POLR3E: variants seen among roughly 807,000 people sequenced by gnomAD.
The protein encoded by POLR3E is RNA polymerase III subunit E, also known as DNA-directed RNA polymerase III subunit RPC5.
In POLR3E, 41 loss-of-function variants were observed where a neutral mutation model predicts 96.6. The observed-to-expected ratio is 0.42, with a 90% confidence interval of 0.33 to 0.55. POLR3E has a LOEUF of 0.55. Among genes scored for constraint, POLR3E ranks in the 20% least tolerant of loss-of-function variants. The probability of loss-of-function intolerance (pLI) is 0.06; values close to 1 mark genes in which losing one functional copy is unlikely to be tolerated. For missense variants in POLR3E, 849 were observed against 952.1 expected, an observed-to-expected ratio of 0.89 and a Z score of 1.43; for synonymous variants, 396 against 383.6, an observed-to-expected ratio of 1.03 and a Z score of -0.38.
Position 22,316,642 on chromosome 16 carries a change from C to G in POLR3E, c.684C>G (p.Pro228=), listed in dbSNP as rs570187300. Residue 228 remains proline (P), a synonymous_variant, in exon 10 of 21, where the codon CCC becomes CCG. Transcript: ENST00000299853. The part of the protein sequence containing the change: ...SEHERQYLLC[P]GSSGVENTEL... ...ATGAGCGTCAGTACCTGCTGTGCCC[C>G]GGCTCAAGCGGGGTGGAGAACACGG... is the stretch of plus-strand genomic sequence containing the variant. The G allele has an allele frequency of 6.2e-7, 1 of 1,614,032 alleles. No individual in the cohort carries two copies. Among genetic ancestry groups the G allele is most frequent in the Admixed American group, 1.7e-5 (1 of 60,016 alleles).
At position 22,308,999 on chromosome 16, in the gene POLR3E, C is replaced by G; in HGVS notation, c.240C>G (p.Asn80Lys). The change falls in exon 5 of 21, where the codon AAC (asparagine) becomes AAG (lysine). Residue 80 changes from asparagine to lysine, a missense_variant. Coordinates refer to ENST00000299853, the MANE Select transcript of POLR3E (RefSeq NM_018119.4). Reference protein sequence around the residue: ...CRSKGEQIALNVDGACADETS... With the variant: ...CRSKGEQIALKVDGACADETS... ...GCAAAGGGGAGCAGATTGCGCTGAA[C>G]GTGGACGGGGCCTGCGCCGACGAGA... 1 of 1,613,966 alleles carries G rather than the reference C, an allele frequency of 6.2e-7. No individual in the cohort carries two copies. Among genetic ancestry groups the G allele is most frequent in the South Asian group, 1.1e-5 (1 of 91,080 alleles).
chr16:22,299,873 T>A (rs2047984929), intron 1 of POLR3E, among the ~76,000 whole-genome samples: 1 of 147,810 alleles, frequency 6.8e-6, no homozygotes, highest in Admixed American at 6.6e-5. Flanking sequence ...CAGGCTAAAA[T>A]TTTTTTTTAA....
In POLR3E at chr16:22,308,196, T is replaced by G. The variant is rs2347; in HGVS notation, c.136T>G (p.Ser46Ala). ...GACCTACGATGACATTCCGCACCTC[T>G]CAGCCAAGATCAAGCCCAAGCAGCA... ...SMTYDDIPHL[S>A]AKIKPKQQKV... Residue 46 changes from serine to alanine, a missense_variant, in exon 4 of 21, where the codon TCA becomes GCA. Coordinates refer to ENST00000299853, the MANE Select transcript of POLR3E (RefSeq NM_018119.4). 0.06 allele frequency: 96,720 copies of G among 1,613,322 alleles called. 3,742 individuals carry two copies. The highest frequency in any genetic ancestry group is 0.16 in the South Asian group (14,671 of 91,042).
intron 6 of POLR3E, among the ~76,000 whole-genome samples, chr16:22,310,701 C>T (rs552281641): frequency 7.3e-5 from 11 of 151,390 alleles, no homozygotes; most frequent in Non-Finnish European, 1.5e-4. Flanking sequence ...TTTGGGAGGC[C>T]GAGGCAGGCC....
Position 22,313,625 on chromosome 16 carries a change from C to T in POLR3E, c.370C>T (p.Leu124Phe), listed in dbSNP as rs2048293042. The T allele has an allele frequency of 1.2e-6, 2 of 1,608,568 alleles. No homozygotes were observed. Among genetic ancestry groups the T allele is most frequent in the Non-Finnish European group, 1.7e-6 (2 of 1,174,988 alleles). The change falls in exon 7 of 21, where the codon CTC (leucine) becomes TTC (phenylalanine). Residue 124 changes from leucine to phenylalanine, a missense_variant. Transcript: ENST00000299853. The surrounding 1 kb of genome is among the most constrained non-coding windows in gnomAD (Gnocchi z 4.1). Reference protein sequence around the residue: ...YAAALYRQGELHLTPLHGILQ... With the variant: ...YAAALYRQGEFHLTPLHGILQ... ...AGCCCTTCTTCCTCCGCCAGGTGAG[C>T]TCCACCTGACACCTTTACATGGCAT...
Position 22,332,034 on chromosome 16 carries a change from A to T in POLR3E, c.1945-26A>T, listed in dbSNP as rs753433623. 1.9e-6 allele frequency: 3 copies of T among 1,610,664 alleles called. No homozygotes were observed. The South Asian group carries it at 3.3e-5, about 18-fold the overall frequency. On this transcript the variant is annotated intron_variant, in intron 19 of 20. Transcript: ENST00000299853. ...TTCTCTTTTTAGATCACTGTTTCCC[A>T]TCATAACGTGTTTTTGCTACTAAAG...
chr16:22,326,586 C>G (rs1350868201), intron 18 of POLR3E: 1 of 496,904 alleles, frequency 2.0e-6, no homozygotes, highest in Admixed American at 3.5e-5. Context: ...TGTCCCCCAC[C>G]AAGAACACCT....
rs2048580498 is a variant in POLR3E, at chr16:22,326,014, G to C, written c.1602G>C (p.Leu534=). The change falls in exon 18 of 21, where the codon CTG becomes CTC. Residue 534 remains leucine (L), a synonymous_variant. Transcript: ENST00000299853. ...TCCACAGCAAGCTGGCCAACGGGCT[G>C]CCTCTCGGGCGGGCTGCGGGCACAG... ...SGLHSKLANG[L]PLGRAAGTDS... is the part of the protein sequence containing the mutation. The C allele has an allele frequency of 1.3e-6, 2 of 1,599,216 alleles. No individual in the cohort carries two copies. Among genetic ancestry groups the C allele is most frequent in the Non-Finnish European group, 1.7e-6 (2 of 1,171,622 alleles).
chr16:22,324,230 A>T, intron 14 of POLR3E, 124 bp from the exon 15 acceptor site: 1 of 717,456 alleles, frequency 1.4e-6, no homozygotes, highest in Non-Finnish European at 2.5e-6. Flanking sequence ...TGTTGGGAAG[A>T]ATCAAGGCCA....
chr16:22,313,998 A>G lies in POLR3E; in HGVS notation c.473-81A>G. 5 of 1,272,758 alleles carry G rather than the reference A, an allele frequency of 3.9e-6. No homozygotes were observed. The highest frequency in any genetic ancestry group is 4.6e-6 in the Non-Finnish European group (4 of 870,894). 78.8% of individuals were successfully genotyped at this position (1,272,758 alleles called of 1,614,324 possible). A position where few individuals can be genotyped will look rare whatever the true frequency, so the allele number is the denominator to read the frequency against. On this transcript the variant is annotated intron_variant, in intron 7 of 20. Coordinates refer to ENST00000299853, the MANE Select transcript of POLR3E (RefSeq NM_018119.4). This position sits in a 1 kb window ranked among gnomAD's most constrained non-coding sequence, Gnocchi z 4.1. ...GGAGAACTCCCAGCACCCCGGCCTG[A>G]GGCTTCCCTGGCGGGTGGGGTTGAG...
intron 18 of POLR3E, 41 bp downstream of exon 18, chr16:22,326,319 G>T (rs770750366): frequency 2.2e-6 from 1 of 458,918 alleles, no homozygotes; most frequent in Non-Finnish European, 4.3e-6. Context: ...GGGGGTGGGG[G>T]GTGGGGAGAA....
chr16:22,316,410 G>C (rs1053844881), intron 9 of POLR3E, among the ~76,000 whole-genome samples, 191 bp from the exon 10 acceptor site: 1 of 152,194 alleles, frequency 6.6e-6, no homozygotes, highest in Non-Finnish European at 1.5e-5. Flanking sequence ...TTGGGGGCTG[G>C]GGCTGGGCAG....
intron 1 of POLR3E, chr16:22,299,168 A>G (rs2047969115): frequency 2.5e-6 from 1 of 397,414 alleles, no homozygotes; most frequent in East Asian, 7.2e-5. Context: ...CGGTGATGAT[A>G]TTTAATAAAA....
chr16:22,318,300 G>A lies in POLR3E; in HGVS notation c.866-526G>A, dbSNP rs1476033192. Among the ~76,000 whole-genome samples, 16 of 152,122 alleles carry A rather than the reference G, an allele frequency of 1.1e-4. No homozygotes were observed. Among genetic ancestry groups the A allele is most frequent in the Admixed American group, 1.0e-3 (16 of 15,270 alleles). The stretch of plus-strand genomic sequence containing the variant: ...GTAGAGATGGGGTTTCGCCTTGTTG[G>A]CCAGGCTAGTCTCAAATTCCTGGCC... On this transcript the variant is annotated intron_variant, in intron 12 of 20. Coordinates refer to ENST00000299853, the MANE Select transcript of POLR3E (RefSeq NM_018119.4). This position sits in a 1 kb window ranked among gnomAD's most constrained non-coding sequence, Gnocchi z 5.0.
chr16:22,324,514 G>C lies in POLR3E; in HGVS notation c.1140G>C (p.Glu380Asp). ...CCCCTCCCCTCCAGCTCTGCGCCGA[G>C]GATGTGAAGGACTTCCTGGAGCACA... is the stretch of plus-strand genomic sequence containing the variant. ...EVATVTKLCA[E>D]DVKDFLEHMA... The change falls in exon 16 of 21, where the codon GAG (glutamate) becomes GAC (aspartate). Residue 380 changes from glutamate (E) to aspartate (D), a missense_variant. By Grantham distance (45) the Glu-to-Asp change is conservative (BLOSUM62 2). Transcript: ENST00000299853. 6.2e-7 allele frequency: 1 copy of C among 1,612,212 alleles called. No homozygotes were observed. Among genetic ancestry groups the C allele is most frequent in the Non-Finnish European group, 8.5e-7 (1 of 1,179,174 alleles).
chr16:22,299,047 A>G, intron 1 of POLR3E: 2 of 456,110 alleles, frequency 4.4e-6, no homozygotes, highest in South Asian at 3.1e-5. Flanking sequence ...GTAGTTCCAG[A>G]TTAAGATGAG....
intron 9 of POLR3E, among the ~76,000 whole-genome samples, chr16:22,315,422 T>C (rs561584764): frequency 6.6e-6 from 1 of 152,302 alleles, no homozygotes; most frequent in African/African-American, 2.4e-5. Context: ...AGTCCTTGGT[T>C]CCCTGGGTGG....
In POLR3E at chr16:22,313,805, G is replaced by A. The variant is rs2048297619; in HGVS notation, c.472+78G>A. On this transcript the variant is annotated intron_variant, in intron 7 of 20. Transcript: ENST00000299853. The surrounding 1 kb of genome is among the most constrained non-coding windows in gnomAD (Gnocchi z 4.1). ...TGGCTTGGTCCTGGGAAGAGGGATG[G>A]GATGATAGGATGTTTAGCAGGATCC... is the stretch of plus-strand genomic sequence containing the variant. 2 of 958,832 alleles carry A rather than the reference G, an allele frequency of 2.1e-6. No individual in the cohort carries two copies. The highest frequency in any genetic ancestry group is 4.9e-5 in the East Asian group (2 of 41,190). The allele number at this position is 958,832 out of a possible 1,614,324, so 59.4% of individuals were successfully genotyped here.
intron 1 of POLR3E, chr16:22,298,941 T>A (rs1267102100): frequency 2.2e-6 from 1 of 455,852 alleles, no homozygotes; most frequent in East Asian, 6.9e-5. Context: ...TATGATTGTC[T>A]GCATTTCATA....
Sources: gnomAD v4.1 joint callset for allele counts (sites outside exome capture counted in the v4.1 genomes callset) on GRCh38, gnomAD v4.1.1 for gene constraint, Gnocchi (gnomAD v3.1) non-coding constraint, MANE v1.5 for transcripts, NCBI Gene and HGNC (gene_info 2026-07-23, HGNC 2026-07-21) for gene names.